Variants in AHI1 observed in about 807,000 individuals in gnomAD.
The protein encoded by AHI1 is Abelson helper integration site 1.
AHI1 carries 123 observed loss-of-function variants against 149.3 expected under a neutral mutation model. That is an observed-to-expected ratio of 0.82 (90% CI 0.71 to 0.96). The LOEUF (loss-of-function observed/expected upper bound fraction) is 0.96, where lower values mean the gene tolerates loss of function less well. AHI1 is among the 40% of genes least tolerant of loss of function. The pLI is 0.00. For missense variants in AHI1, 1,439 were observed against 1,422.7 expected, an observed-to-expected ratio of 1.01 and a Z score of -0.18; for synonymous variants, 475 against 459.8, an observed-to-expected ratio of 1.03 and a Z score of -0.42.
chr6:135,371,793 A>C (rs1775104085), intron 23 of AHI1, among the ~76,000 whole-genome samples: 1 of 152,208 alleles, frequency 6.6e-6, no homozygotes, highest in Non-Finnish European at 1.5e-5. Flanking sequence ...TCTCAGTGCC[A>C]ATATGTCAAG....
intron 23 of AHI1, among the ~76,000 whole-genome samples, chr6:135,391,853 G>C (rs1271013957): frequency 2.6e-5 from 4 of 152,176 alleles, no homozygotes; most frequent in Non-Finnish European, 5.9e-5. Context: ...TCCAAATACA[G>C]CATGGGCAAG....
At chr6:135,303,505 G>C (rs1784148450) in intron 26 of AHI1, among the ~76,000 whole-genome samples, 1 of 151,196 alleles carries the variant, frequency 6.6e-6, no homozygotes, top group African/African-American at 2.4e-5. Context: ...TCTTGGTTCT[G>C]TCATTAACTC....
intron 20 of AHI1, among the ~76,000 whole-genome samples, chr6:135,420,607 G>A (rs541567138): frequency 6.6e-6 from 1 of 152,166 alleles, no homozygotes; most frequent in East Asian, 1.9e-4. Flanking sequence ...TGAATGAGCC[G>A]CTGCTAGTTT....
intron 24 of AHI1, among the ~76,000 whole-genome samples, chr6:135,349,699 G>T (rs1791780237): frequency 6.6e-6 from 1 of 152,140 alleles, no homozygotes; most frequent in South Asian, 2.1e-4. Context: ...GCATTCAAAG[G>T]ATCACCACTA....
chr6:135,455,877 G>A lies in AHI1; in HGVS notation c.1201C>T (p.Leu401Phe), dbSNP rs1233990487. The A allele has an allele frequency of 1.3e-6, 2 of 1,573,156 alleles. No individual in the cohort carries two copies. Among genetic ancestry groups the A allele is most frequent in the South Asian group, 1.2e-5 (1 of 84,502 alleles). Residue 401 changes from leucine to phenylalanine, a missense_variant, in exon 10 of 29, where the codon CTT becomes TTT. Coordinates refer to ENST00000265602, the MANE Select transcript of AHI1 (RefSeq NM_001134831.2). ...TCATATGGCTGGGTCATAATAGGAA[G>A]AATATAATCCACATTCTCTTTTTCA... ...YYEKENVDYI[L>F]PIMTQPYDFK...
chr6:135,459,740 TA>T (rs58235668), intron 8 of AHI1, among the ~76,000 whole-genome samples: 96,631 of 118,544 alleles, frequency 0.82, 40,299 homozygotes, highest in South Asian at 0.93. Flanking sequence ...CTGACAGAAG[TA>T]AAAAAAAAAA....
intron 5 of AHI1, among the ~76,000 whole-genome samples, chr6:135,481,070 G>C (rs1793559297): frequency 6.6e-6 from 1 of 152,068 alleles, no homozygotes; most frequent in Non-Finnish European, 1.5e-5. Context: ...TCATCATAAC[G>C]GTGGGGCTGG....
intron 20 of AHI1, among the ~76,000 whole-genome samples, chr6:135,416,261 T>A (rs1782363577): frequency 6.6e-6 from 1 of 151,874 alleles, no homozygotes; most frequent in Admixed American, 6.6e-5. Flanking sequence ...AACAGAAAAA[T>A]GGGCAAAGAA....
In AHI1 at chr6:135,479,610, T is replaced by C. The variant is rs559903622; in HGVS notation, c.135+11013A>G. On this transcript the variant is annotated intron_variant, in intron 5 of 28. Coordinates refer to ENST00000265602, the MANE Select transcript of AHI1 (RefSeq NM_001134831.2). ...TTTTTTTATTTTACAGGCTCATAGA[T>C]GGAAGAGACTTGCCTTGTGACAGAT... Among the ~76,000 whole-genome samples the C allele has an allele frequency of 4.6e-5, 7 of 152,328 alleles. No individual in the cohort carries two copies. In the South Asian group the frequency reaches 1.4e-3, roughly 32 times the overall value.
chr6:135,410,077 A>C (rs565530787), intron 21 of AHI1, among the ~76,000 whole-genome samples: 1 of 152,190 alleles, frequency 6.6e-6, no homozygotes, highest in East Asian at 1.9e-4. Flanking sequence ...AAGAAATACT[A>C]CAATCCCCAT....
intron 5 of AHI1, among the ~76,000 whole-genome samples, chr6:135,489,530 A>G (rs1794947625): frequency 6.6e-6 from 1 of 152,124 alleles, no homozygotes; most frequent in Non-Finnish European, 1.5e-5. Context: ...AGGGGAGCGC[A>G]TATATCAATA....
At chr6:135,378,614 T>C (rs773305217) in intron 23 of AHI1, among the ~76,000 whole-genome samples, 2 of 152,232 alleles carry the variant, frequency 1.3e-5, no homozygotes, top group African/African-American at 2.4e-5. Context: ...CCTTAAAATA[T>C]AATTTAATAT....
At position 135,358,160 on chromosome 6, in the gene AHI1, C is replaced by G. The variant is rs773887212; in HGVS notation, c.3137G>C (p.Cys1046Ser). The G allele has an allele frequency of 1.2e-6, 2 of 1,613,078 alleles. No individual in the cohort carries two copies. The highest frequency in any genetic ancestry group is 2.2e-5 in the South Asian group (2 of 90,906). The change falls in exon 24 of 29, where the codon TGT (cysteine) becomes TCT (serine). Residue 1046 changes from cysteine (C) to serine (S), a missense_variant. Physicochemically the swap from Cys to Ser is moderately radical, Grantham distance 112 (BLOSUM62 -1). Transcript: ENST00000265602. ...TGIISIERKP[C>S]NHQVDTAPTV... ...TGGTGCTGTATCTACCTGATGGTTA[C>G]AAGGCTTTCTTTCTATGCTGATAAT...
At chr6:135,297,324 C>T (rs1025510212) in intron 27 of AHI1, 5 of 405,918 alleles carry the variant, frequency 1.2e-5, no homozygotes, top group Non-Finnish European at 2.0e-5. Flanking sequence ...AGTCAGTCTC[C>T]TCCCACTCTC....
chr6:135,405,507 T>C (rs963053458), intron 21 of AHI1, among the ~76,000 whole-genome samples: 2 of 152,026 alleles, frequency 1.3e-5, no homozygotes, highest in African/African-American at 4.8e-5. Flanking sequence ...AAAGAGAAAC[T>C]AGTAAAAGTC....
rs955567403 is a variant in AHI1, at chr6:135,482,699, T to C, written c.135+7924A>G. 2.0e-5 allele frequency among the ~76,000 whole-genome samples: 3 copies of C among 151,934 alleles called. No individual in the cohort carries two copies. The South Asian group carries it at 6.2e-4, about 32-fold the overall frequency. On this transcript the variant is annotated intron_variant, in intron 5 of 28. Transcript: ENST00000265602. Reference sequence around the variant, plus strand: ...CTATTCCTCTCCTAGAGTCTGTTTCTATTGATTGACTTATCTTTTGGTAAT... The same window carrying C: ...CTATTCCTCTCCTAGAGTCTGTTTCCATTGATTGACTTATCTTTTGGTAAT...
intron 24 of AHI1, among the ~76,000 whole-genome samples, chr6:135,329,654 A>C (rs530008033): frequency 7.2e-5 from 11 of 152,368 alleles, no homozygotes; most frequent in African/African-American, 2.6e-4. Context: ...CCCATGGATC[A>C]AGGAGTAGTT....
At chr6:135,435,750 A>G (rs1785303184) in intron 15 of AHI1, among the ~76,000 whole-genome samples, 1 of 152,202 alleles carries the variant, frequency 6.6e-6, no homozygotes, top group Non-Finnish European at 1.5e-5. Flanking sequence ...GGACTTAGAG[A>G]CTGAACACTG....
intron 27 of AHI1, among the ~76,000 whole-genome samples, chr6:135,298,674 G>A (rs1305674903): frequency 1.3e-5 from 2 of 151,898 alleles, no homozygotes; most frequent in African/African-American, 4.8e-5. Flanking sequence ...GATGAACTTG[G>A]GCATTTAGAC....
Sources: allele counts gnomAD v4.1 joint callset (sites outside exome capture counted in the v4.1 genomes callset), GRCh38; gene constraint gnomAD v4.1.1; transcripts MANE v1.5; gene names NCBI Gene and HGNC (gene_info 2026-07-23, HGNC 2026-07-21).